Variants in CYB5R3 observed in about 807,000 individuals in gnomAD.
The protein encoded by CYB5R3 is cytochrome b5 reductase 3, also known as NADH-cytochrome b5 reductase 3.
A neutral mutation model predicts 36.5 loss-of-function variants in CYB5R3; 28 were observed. The ratio of observed to expected loss-of-function variants is 0.77; its 90% CI spans 0.57 to 1.05. The LOEUF (loss-of-function observed/expected upper bound fraction) is 1.05, where lower values mean the gene tolerates loss of function less well. Among genes scored for constraint, CYB5R3 ranks in the 50% least tolerant of loss-of-function variants. CYB5R3 has a pLI of 0.00. For synonymous variants in CYB5R3, 181 were observed against 159.8 expected (o/e 1.13, Z -1.00); for missense variants, 474 against 408.9 (o/e 1.16, Z -1.37).
rs1486073137 is a variant in CYB5R3, at chr22:42,627,558, A to G, written c.547+47T>C. Reference sequence around the variant, plus strand: ...TGCGCCTCACCCACACCCCAACCCCACCCTTAACATGAGCCGCCGGACGCC... The same window carrying G: ...TGCGCCTCACCCACACCCCAACCCCGCCCTTAACATGAGCCGCCGGACGCC... On this transcript the variant is annotated intron_variant, in intron 6 of 8. Transcript: ENST00000352397. 5 of 1,567,788 alleles carry G rather than the reference A, an allele frequency of 3.2e-6. No individual in the cohort carries two copies. The South Asian group carries it at 3.3e-5, about 10-fold the overall frequency.
chr22:42,637,306 A>T (rs71329155), intron 1 of CYB5R3, among the ~76,000 whole-genome samples: 1 of 152,054 alleles, frequency 6.6e-6, no homozygotes, highest in African/African-American at 2.4e-5. Flanking sequence ...ACAAATAATA[A>T]CCCCAACTCA....
chr22:42,643,232 G>A (rs923329468), intron 1 of CYB5R3, among the ~76,000 whole-genome samples: 1 of 152,158 alleles, frequency 6.6e-6, no homozygotes, highest in South Asian at 2.1e-4. Context: ...TGTAAAAAGC[G>A]AGGGCCACTG....
chr22:42,623,931 G>A (rs1380329676), intron 7 of CYB5R3, 43 bp from the exon 8 acceptor site: 1 of 1,548,984 alleles, frequency 6.5e-7, no homozygotes, highest in Admixed American at 1.7e-5. Context: ...ATGGGTGGCA[G>A]ACTGCCCCTG....
chr22:42,623,817 GAGCTTGAAGCGTGCA>G lies in CYB5R3; in HGVS notation c.690_704del (p.Ala231_Leu235del). ...CAGGGGCTCTGTCCAGCGTGTACCA[GAGCTTGAAGCGTGCA>G]GAATGTTTGTTCCTGAGTTCCTCCA... On this transcript the variant is annotated inframe_deletion, in exon 8 of 9. Coordinates refer to ENST00000352397, the MANE Select transcript of CYB5R3 (RefSeq NM_000398.7). The G allele has an allele frequency of 6.2e-7, 1 of 1,614,172 alleles. No individual in the cohort carries two copies. Among genetic ancestry groups the G allele is most frequent in the Non-Finnish European group, 8.5e-7 (1 of 1,180,000 alleles).
chr22:42,627,255 C>G, intron 7 of CYB5R3, 49 bp downstream of exon 7: 1 of 1,522,492 alleles, frequency 6.6e-7, no homozygotes, highest in Non-Finnish European at 9.1e-7. Flanking sequence ...GGCCCGAAGT[C>G]CCCTCTCAGG....
At position 42,644,661 on chromosome 22, in the gene CYB5R3, C is replaced by T. The variant is rs539490354; in HGVS notation, c.21+4634G>A. 2,362 of 985,348 alleles carry T rather than the reference C, an allele frequency of 2.4e-3. 5 individuals carry two copies. Among genetic ancestry groups the T allele is most frequent in the Non-Finnish European group, 2.7e-3 (2,234 of 829,876 alleles). The allele number at this position is 985,348 out of a possible 1,614,324, so 61.0% of individuals were successfully genotyped here. A position where few individuals can be genotyped will look rare whatever the true frequency, so the allele number is the denominator to read the frequency against. Reference sequence around the variant, plus strand: ...AGGATTCCTCTGCTATCGACCTCTCCCTCAGTCACAGAAACCACGCCCACG... The same window carrying T: ...AGGATTCCTCTGCTATCGACCTCTCTCTCAGTCACAGAAACCACGCCCACG... On this transcript the variant is annotated intron_variant, in intron 1 of 8. Transcript: ENST00000352397.
intron 1 of CYB5R3, among the ~76,000 whole-genome samples, chr22:42,649,066 G>A (rs768130278): frequency 1.2e-4 from 18 of 152,210 alleles, no homozygotes; most frequent in Non-Finnish European, 2.5e-4. Context: ...CCCCGGGCAG[G>A]AGGGCTGGGT....
At chr22:42,624,681 T>C (rs1457851486) in intron 7 of CYB5R3, among the ~76,000 whole-genome samples, 1 of 148,988 alleles carries the variant, frequency 6.7e-6, no homozygotes, top group Admixed American at 6.7e-5. Flanking sequence ...AGGGGCTCCT[T>C]AGGTCAGTGT....
intron 1 of CYB5R3, chr22:42,639,956 C>A (rs777759825): frequency 6.2e-7 from 1 of 1,607,144 alleles, no homozygotes; most frequent in South Asian, 1.1e-5. Flanking sequence ...GATGTTAAGA[C>A]TGGTCTTCAA....
chr22:42,628,396 C>T, intron 4 of CYB5R3, 115 bp from the exon 5 acceptor site: 6 of 1,376,230 alleles, frequency 4.4e-6, no homozygotes, highest in Admixed American at 1.7e-5. Flanking sequence ...CCACACATGG[C>T]CTTCTCCCGT....
In CYB5R3 at chr22:42,619,663, A is replaced by C. The variant is rs912790326; in HGVS notation, c.*110T>G. On this transcript the variant is annotated 3_prime_UTR_variant, in exon 9 of 9. Coordinates refer to ENST00000352397, the MANE Select transcript of CYB5R3 (RefSeq NM_000398.7). ...CCAGGTGATTCACCAGGGCACGGGC[A>C]GGCCAGGCTGAACCCGGGGCCCCAG... 2 of 1,057,154 alleles carry C rather than the reference A, an allele frequency of 1.9e-6. No homozygotes were observed. The highest frequency in any genetic ancestry group is 3.1e-5 in the African/African-American group (2 of 63,708). The allele number at this position is 1,057,154 out of a possible 1,614,324, so 65.5% of individuals were successfully genotyped here. A position where few individuals can be genotyped will look rare whatever the true frequency, so the allele number is the denominator to read the frequency against.
intron 2 of CYB5R3, 70 bp downstream of exon 2, chr22:42,636,645 C>G: frequency 6.3e-7 from 1 of 1,585,134 alleles, no homozygotes; most frequent in Non-Finnish European, 8.5e-7. Flanking sequence ...CAGGACCATG[C>G]CCTGAGCACA....
intron 1 of CYB5R3, among the ~76,000 whole-genome samples, chr22:42,642,112 A>G (rs977719294): frequency 1.9e-5 from 2 of 107,860 alleles, no homozygotes; most frequent in Non-Finnish European, 2.0e-5. Context: ...AGTACATAAG[A>G]GCTCTTTTTT....
At chr22:42,645,897 G>A (rs1242149540) in intron 1 of CYB5R3, among the ~76,000 whole-genome samples, 2 of 152,172 alleles carry the variant, frequency 1.3e-5, no homozygotes, top group African/African-American at 2.4e-5. Context: ...CATGTGCAAC[G>A]CAGGGGACAC....
chr22:42,628,053 T>A (rs1928386838), intron 5 of CYB5R3, 99 bp downstream of exon 5: 1 of 1,528,802 alleles, frequency 6.5e-7, no homozygotes, highest in Non-Finnish European at 9.0e-7. Flanking sequence ...GAGTCACCCA[T>A]CCACACAGAG....
chr22:42,628,451 C>G (rs181443763), intron 4 of CYB5R3, among the ~76,000 whole-genome samples, 170 bp from the exon 5 acceptor site: 1 of 152,288 alleles, frequency 6.6e-6, no homozygotes, highest in Non-Finnish European at 1.5e-5. Flanking sequence ...GTCCTGCACC[C>G]CGTCCTTCAC....
intron 4 of CYB5R3, 101 bp downstream of exon 4, chr22:42,630,781 A>C: frequency 2.0e-6 from 2 of 1,021,640 alleles, no homozygotes; most frequent in Non-Finnish European, 3.0e-6. Context: ...TGGGCTGCAC[A>C]GGGCAGGAGC....
At position 42,619,827 on chromosome 22, in the gene CYB5R3, G is replaced by A. The variant is rs1417084063; in HGVS notation, c.852C>T (p.Cys284=). Residue 284 remains cysteine, a synonymous_variant, in exon 9 of 9, where the codon TGC becomes TGT. Coordinates refer to ENST00000352397, the MANE Select transcript of CYB5R3 (RefSeq NM_000398.7). ...CGPPPMIQYA[C]LPNLDHVGHP... ...GGCCCACGTGGTCCAGGTTGGGAAG[G>A]CAGGCGTACTGGATCATGGGTGGGG... 1 of 1,602,872 alleles carries A rather than the reference G, an allele frequency of 6.2e-7. No homozygotes were observed. The highest frequency in any genetic ancestry group is 2.2e-5 in the East Asian group (1 of 44,498).
intron 7 of CYB5R3, 116 bp from the exon 8 acceptor site, chr22:42,624,004 C>T: frequency 1.1e-6 from 1 of 869,978 alleles, no homozygotes; most frequent in Non-Finnish European, 1.9e-6. Context: ...GCTTGCGGAG[C>T]TTTCAGGAGG....
Sources: gnomAD v4.1 joint callset for allele counts (sites outside exome capture counted in the v4.1 genomes callset) on GRCh38, gnomAD v4.1.1 for gene constraint, MANE v1.5 for transcripts, NCBI Gene and HGNC (gene_info 2026-07-23, HGNC 2026-07-21) for gene names.